The following ANOS1 variants were observed in gnomAD, a reference collection of about 807,000 sequenced individuals.
ANOS1 encodes anosmin 1, also known as anosmin-1.
A neutral mutation model predicts 59.0 loss-of-function variants in ANOS1; 6 were observed. That is an observed-to-expected ratio of 0.10 (90% CI 0.06 to 0.20). The LOEUF (loss-of-function observed/expected upper bound fraction) is 0.20, where lower values mean the gene tolerates loss of function less well. Ranked by LOEUF, ANOS1 falls within the 10% of genes least tolerant of loss-of-function variation. The probability of loss-of-function intolerance (pLI) is 1.00; values close to 1 mark genes in which losing one functional copy is unlikely to be tolerated. For missense variants in ANOS1, 433 were observed against 542.3 expected, an observed-to-expected ratio of 0.80 and a Z score of 2.00; for synonymous variants, 217 against 223.4, an observed-to-expected ratio of 0.97 and a Z score of 0.25.
intron 4 of ANOS1, among the ~76,000 whole-genome samples, chrX:8,594,643 C>CATATAT: frequency 2.2e-5 from 1 of 45,658 alleles, no homozygotes; most frequent in South Asian, 1.4e-3. Flanking sequence ...AAAAAATCTA[C>CATATAT]ATATATATAT....
intron 3 of ANOS1, among the ~76,000 whole-genome samples, chrX:8,606,577 C>T (rs1321085558): frequency 1.8e-5 from 2 of 112,037 alleles, no homozygotes; most frequent in East Asian, 5.6e-4. Context: ...CTTCTCTTGC[C>T]TTCAAGTAAT....
At chrX:8,558,360 GTTAT>G (rs1929980709) in intron 8 of ANOS1, among the ~76,000 whole-genome samples, 1 of 109,854 alleles carries the variant, frequency 9.1e-6, no homozygotes, top group Non-Finnish European at 1.9e-5. Flanking sequence ...ATTTCATCCT[GTTAT>G]TTAGTCATAT....
chrX:8,575,296 C>T (rs1001356514), intron 6 of ANOS1, among the ~76,000 whole-genome samples: 3 of 112,313 alleles, frequency 2.7e-5, no homozygotes, highest in Non-Finnish European at 5.6e-5. Context: ...ACCTAGTTTA[C>T]AACTGAATCG....
At chrX:8,691,209 G>T (rs1038043614) in intron 2 of ANOS1, among the ~76,000 whole-genome samples, 3 of 109,701 alleles carry the variant, frequency 2.7e-5, no homozygotes, top group Non-Finnish European at 5.7e-5. Flanking sequence ...GAGTAGCTGG[G>T]ATTACAGGCG....
chrX:8,546,234 G>A lies in ANOS1; in HGVS notation c.1355-6476C>T, dbSNP rs1359787270. On this transcript the variant is annotated intron_variant, in intron 9 of 13. Transcript: ENST00000262648. The stretch of plus-strand genomic sequence containing the variant: ...GGAAACTTTGGTTTGGGATTCTGTA[G>A]ATCATGTGGTGAGTACATAAAAGGT... 3.6e-5 allele frequency among the ~76,000 whole-genome samples: 4 copies of A among 112,028 alleles called. No homozygotes were observed. The East Asian group carries it at 1.1e-3, about 32-fold the overall frequency.
chrX:8,591,649 A>G (rs920190519), intron 4 of ANOS1, among the ~76,000 whole-genome samples: 7 of 112,194 alleles, frequency 6.2e-5, no homozygotes, highest in Non-Finnish European at 1.3e-4. Flanking sequence ...CATGTTAAGA[A>G]ATGGTCCATC....
At chrX:8,668,430 T>TATACACATACATAC (rs1394731479) in intron 2 of ANOS1, among the ~76,000 whole-genome samples, 1 of 80,258 alleles carries the variant, frequency 1.2e-5, no homozygotes. Context: ...TATATATATA[T>TATACACATACATAC]ACACACACAT....
chrX:8,635,811 T>G (rs1482685799), intron 2 of ANOS1, among the ~76,000 whole-genome samples: 1 of 111,706 alleles, frequency 9.0e-6, no homozygotes, highest in Admixed American at 9.6e-5. Flanking sequence ...TCGCTCAGCT[T>G]TCTCCAATAC....
At chrX:8,666,746 C>A (rs772413293) in intron 2 of ANOS1, among the ~76,000 whole-genome samples, 2 of 112,134 alleles carry the variant, frequency 1.8e-5, no homozygotes, top group Non-Finnish European at 3.8e-5. Flanking sequence ...ACTGTGGCGT[C>A]CATCCAAAAT....
At chrX:8,573,752 C>A (rs931872928) in intron 6 of ANOS1, among the ~76,000 whole-genome samples, 11 of 111,303 alleles carry the variant, frequency 9.9e-5, no homozygotes, top group Non-Finnish European at 2.1e-4. Flanking sequence ...ACACACAGCC[C>A]ACCACTGACA....
At chrX:8,676,025 A>T (rs1460993367) in intron 2 of ANOS1, among the ~76,000 whole-genome samples, 1 of 110,710 alleles carries the variant, frequency 9.0e-6, no homozygotes, top group Admixed American at 9.7e-5. Flanking sequence ...ATGTCCCTGC[A>T]AAGGACATGA....
chrX:8,576,899 T>C (rs764217585), intron 6 of ANOS1, among the ~76,000 whole-genome samples: 96 of 111,806 alleles, frequency 8.6e-4, no homozygotes, highest in Non-Finnish European at 1.7e-3. Context: ...AGTGCAGGCA[T>C]TGATAGGCCT....
chrX:8,679,886 GTGAATAC>G (rs2146885599), intron 2 of ANOS1, among the ~76,000 whole-genome samples: 2 of 111,009 alleles, frequency 1.8e-5, no homozygotes, highest in South Asian at 7.7e-4. Context: ...CAACTAAATT[GTGAATAC>G]TGAAGCTCAG....
intron 2 of ANOS1, among the ~76,000 whole-genome samples, chrX:8,684,178 G>A (rs1344463476): frequency 3.6e-5 from 4 of 111,615 alleles, no homozygotes; most frequent in African/African-American, 1.3e-4. Flanking sequence ...ATTCAGAAAC[G>A]TGAAAACACA....
At position 8,587,972 on chromosome X, in the gene ANOS1, G is replaced by A; in HGVS notation, c.548C>T (p.Pro183Leu). 1.7e-6 allele frequency: 2 copies of A among 1,204,290 alleles called. No homozygotes were observed. The highest frequency in any genetic ancestry group is 2.2e-6 in the Non-Finnish European group (2 of 889,482). ...TCGTAACTCTTTTCTGGGCTTCAGG[G>A]GGACACCTGAAACAGGACCGTATCA... ...QVPKTLYKGV[P>L]LKPRKELRFT... Residue 183 changes from proline (P) to leucine (L), a missense_variant, in exon 5 of 14, where the codon CCC becomes CTC. By Grantham distance (98) the Pro-to-Leu change is moderately conservative. Coordinates refer to ENST00000262648, the MANE Select transcript of ANOS1 (RefSeq NM_000216.4).
rs781431186 is a variant in ANOS1 at position 8,585,011 on chromosome X, A to G, written c.856+256T>C. Among the ~76,000 whole-genome samples, 11 of 111,123 alleles carry G rather than the reference A, an allele frequency of 9.9e-5. No individual in the cohort carries two copies. The East Asian group carries it at 2.8e-3, about 29-fold the overall frequency. ...AAACTCAACAGATGTTGATAATGAA[A>G]ACCCCCCCGCCACTTCAAAGTTTAA... On this transcript the variant is annotated intron_variant, in intron 6 of 13. Transcript: ENST00000262648.
intron 2 of ANOS1, among the ~76,000 whole-genome samples, chrX:8,665,080 T>C (rs777681754): frequency 2.7e-5 from 3 of 111,611 alleles, no homozygotes; most frequent in African/African-American, 6.5e-5. Flanking sequence ...GCCTGAAGCA[T>C]CCCGTCATGC....
chrX:8,562,209 G>C (rs988533659), intron 8 of ANOS1, among the ~76,000 whole-genome samples: 19 of 111,168 alleles, frequency 1.7e-4, no homozygotes, highest in Non-Finnish European at 3.2e-4. Context: ...CCAAAGTGCT[G>C]GGATTACAGG....
chrX:8,674,658 G>T (rs1426949331), intron 2 of ANOS1, among the ~76,000 whole-genome samples: 1 of 112,460 alleles, frequency 8.9e-6, no homozygotes, highest in East Asian at 2.8e-4. Flanking sequence ...GTGTTGGGCC[G>T]CATTCAAAGC....
Sources: gnomAD v4.1 joint callset for allele counts (sites outside exome capture counted in the v4.1 genomes callset) on GRCh38, gnomAD v4.1.1 for gene constraint, MANE v1.5 for transcripts, NCBI Gene and HGNC (gene_info 2026-07-23, HGNC 2026-07-21) for gene names.